Variants in GSTM2 observed in about 807,000 individuals in gnomAD.
GSTM2 encodes the protein glutathione S-transferase mu 2.
A neutral mutation model predicts 33.3 loss-of-function variants in GSTM2; 33 were observed. The observed-to-expected ratio is 0.99, with a 90% CI of 0.75 to 1.33. GSTM2 has a LOEUF of 1.33. GSTM2 is among the 40% of genes most tolerant of loss of function. The probability of loss-of-function intolerance (pLI) is 0.00; values close to 1 mark genes in which losing one functional copy is unlikely to be tolerated. For synonymous variants in GSTM2, 93 were observed against 95.6 expected, an observed-to-expected ratio of 0.97 and a Z score of 0.16; for missense variants, 213 against 265.8, an observed-to-expected ratio of 0.80 and a Z score of 1.38.
At chr1:109,679,415 G>A (rs1221941104), downstream of GSTM2, among the ~76,000 whole-genome samples, 2 of 152,206 alleles carry the variant, frequency 1.3e-5, no homozygotes, top group African/African-American at 4.8e-5. Context: ...AGGTTGCAGT[G>A]AGCCAAGATC....
In GSTM2 at chr1:109,674,847, G is replaced by T. The variant is rs1018894174; in HGVS notation, c.*11G>T. 10 of 1,613,924 alleles carry T rather than the reference G, an allele frequency of 6.2e-6. No individual in the cohort carries two copies. The highest frequency in any genetic ancestry group is 1.6e-4 in the Middle Eastern group (1 of 6,080). On this transcript the variant is annotated 3_prime_UTR_variant, in exon 8 of 8. Transcript: ENST00000241337. Reference sequence around the variant, plus strand: ...TGGGGCAACAAGTAGGGCCTTGAAGGCCAGGAGGTGGGAGTGAGGAGCCCA... The same window carrying T: ...TGGGGCAACAAGTAGGGCCTTGAAGTCCAGGAGGTGGGAGTGAGGAGCCCA...
chr1:109,679,004 G>A (rs879138107), downstream of GSTM2, among the ~76,000 whole-genome samples: 1 of 152,094 alleles, frequency 6.6e-6, no homozygotes, highest in Admixed American at 6.6e-5. Context: ...TTACTACAAG[G>A]TAAAGGATGA....
chr1:109,669,345 G>T lies in GSTM2; in HGVS notation c.233G>T (p.Arg78Leu). Residue 78 changes from arginine to leucine, a missense_variant, in exon 4 of 8, where the codon CGG becomes CTG. Arg to Leu is a moderately radical substitution (Grantham distance 102). Coordinates refer to ENST00000241337, the MANE Select transcript of GSTM2 (RefSeq NM_000848.4). ...HKITQSNAIL[R>L]YIARKHNLCG... ...ATCACCCAGAGCAACGCCATCCTGC[G>T]GTACATTGCCCGCAAGCACAACCTG... 1 of 1,614,198 alleles carries T rather than the reference G, an allele frequency of 6.2e-7. No individual in the cohort carries two copies.
At chr1:109,679,426 G>C (rs907278398), downstream of GSTM2, among the ~76,000 whole-genome samples, 2 of 152,142 alleles carry the variant, frequency 1.3e-5, no homozygotes, top group African/African-American at 4.8e-5. Flanking sequence ...AGCCAAGATC[G>C]TGCCATTGCA....
chr1:109,668,522 G>C (rs1237932007), intron 2 of GSTM2, 22 bp downstream of exon 2: 2 of 1,612,966 alleles, frequency 1.2e-6, no homozygotes, highest in East Asian at 2.2e-5. Flanking sequence ...CTCGAGTCTG[G>C]GCCCTGCCCC....
Position 109,681,742 on chromosome 1 carries a change from C to T in GSTM2, c.567+10159C>T. The T allele has an allele frequency of 1.6e-6, 2 of 1,284,926 alleles. 1 individual carries two copies. 79.6% of individuals were successfully genotyped at this position (1,284,926 alleles called of 1,614,324 possible). ...CCCCCGCCTTTCTGTCTCTGTCTCC[C>T]CCAGCAAGCTCCGAATGAGCACAAC... On this transcript the variant is annotated intron_variant, in intron 7 of 7. Coordinates refer to the GSTM2 transcript ENST00000369831.
intron 5 of GSTM2, chr1:109,670,642 A>G (rs1373841048): frequency 1.3e-5 from 2 of 152,412 alleles, no homozygotes; most frequent in Admixed American, 6.5e-5. Flanking sequence ...CATCTCTCCC[A>G]GTGGTTTATA....
intron 7 of GSTM2, 126 bp downstream of exon 7, chr1:109,671,709 T>C (rs1331761764): frequency 1.4e-6 from 1 of 729,022 alleles, no homozygotes; most frequent in Non-Finnish European, 2.5e-6. Flanking sequence ...GGCTCACGCC[T>C]GTAATCTCAG....
At chr1:109,678,852 T>C (rs912204436), downstream of GSTM2, among the ~76,000 whole-genome samples, 3 of 152,162 alleles carry the variant, frequency 2.0e-5, no homozygotes, top group African/African-American at 7.2e-5. Flanking sequence ...TTCCTGTGGA[T>C]AAACTATATT....
chr1:109,668,181 G>T, intron 1 of GSTM2, 30 bp downstream of exon 1: 1 of 1,527,898 alleles, frequency 6.5e-7, no homozygotes, highest in Non-Finnish European at 9.1e-7. Flanking sequence ...GCGGTGGGAC[G>T]GGGGTGCGTG....
At chr1:109,675,514 GA>G (rs935089692), downstream of GSTM2, among the ~76,000 whole-genome samples, 16 of 149,542 alleles carry the variant, frequency 1.1e-4, no homozygotes, top group African/African-American at 4.1e-4. Context: ...TCTTGGCCTG[GA>G]TCTCCCATTC....
At chr1:109,673,943 A>G (rs1421168067) in intron 7 of GSTM2, among the ~76,000 whole-genome samples, 1 of 152,240 alleles carries the variant, frequency 6.6e-6, no homozygotes, top group Non-Finnish European at 1.5e-5. Flanking sequence ...TGCACAGCAC[A>G]TCTGAGTGTC....
chr1:109,676,949 G>A (rs1389934682), downstream of GSTM2, among the ~76,000 whole-genome samples: 1 of 152,056 alleles, frequency 6.6e-6, no homozygotes, highest in African/African-American at 2.4e-5. Flanking sequence ...GGCTCAGCAG[G>A]GAGATCTTGT....
At chr1:109,668,746 G>C in intron 2 of GSTM2, 179 bp from the exon 3 acceptor site, 1 of 841,026 alleles carries the variant, frequency 1.2e-6, no homozygotes, top group Non-Finnish European at 1.9e-6. Flanking sequence ...CCTTAGCTGT[G>C]TGGGGTCCAG....
intron 2 of GSTM2, 166 bp downstream of exon 2, chr1:109,668,666 G>T: frequency 1.1e-6 from 1 of 884,436 alleles, no homozygotes; most frequent in Non-Finnish European, 1.8e-6. Flanking sequence ...AGAATGCTGG[G>T]GCGGGATGCT....
At chr1:109,672,468 A>G (rs1156712092) in intron 7 of GSTM2, among the ~76,000 whole-genome samples, 1 of 152,218 alleles carries the variant, frequency 6.6e-6, no homozygotes, top group East Asian at 1.9e-4. Flanking sequence ...TCCTTTGCTC[A>G]GGGTCCCAGA....
Position 109,669,397 on chromosome 1 carries a change from G to C in GSTM2, c.259+26G>C, listed in dbSNP as rs369798182. On this transcript the variant is annotated intron_variant, in intron 4 of 7. Coordinates refer to ENST00000241337, the MANE Select transcript of GSTM2 (RefSeq NM_000848.4). ...GTGAGTAGATTTGGTTGCAAGATGC[G>C]GGGAGGGACCGTGGCCTCCTCCTCG... is the stretch of plus-strand genomic sequence containing the variant. The C allele has an allele frequency of 1.9e-5, 30 of 1,613,968 alleles. No homozygotes were observed. In the African/African-American group the frequency reaches 3.1e-4, roughly 17 times the overall value.
chr1:109,668,983 T>C lies in GSTM2; in HGVS notation c.171T>C (p.Phe57=), dbSNP rs779218262. Residue 57 remains phenylalanine, a synonymous_variant, in exon 3 of 8, where the codon TTT becomes TTC. Coordinates refer to ENST00000241337, the MANE Select transcript of GSTM2 (RefSeq NM_000848.4). ...LNEKFKLGLD[F]PNLPYLIDGT... ...AAAAATTCAAGCTGGGCCTGGACTTTCCCAATGTAGGTGCAGGGGAAGGGG... is the reference window on the plus strand; with the variant it reads ...AAAAATTCAAGCTGGGCCTGGACTTCCCCAATGTAGGTGCAGGGGAAGGGG... 1.2e-5 allele frequency: 19 copies of C among 1,611,898 alleles called. No individual in the cohort carries two copies. Among genetic ancestry groups the C allele is most frequent in the East Asian group, 2.2e-5 (1 of 44,886 alleles).
downstream of GSTM2, among the ~76,000 whole-genome samples, chr1:109,676,587 G>A (rs1278948472): frequency 7.9e-5 from 12 of 152,072 alleles, no homozygotes; most frequent in African/African-American, 1.7e-4. Flanking sequence ...TCCTGACCTC[G>A]TGATCCACCC....
Sources: gnomAD v4.1 joint callset for allele counts (sites outside exome capture counted in the v4.1 genomes callset) on GRCh38, gnomAD v4.1.1 for gene constraint, MANE v1.5 for transcripts, NCBI Gene and HGNC (gene_info 2026-07-23, HGNC 2026-07-21) for gene names.